The following POLQ variants were observed in gnomAD, a reference collection of about 807,000 sequenced individuals.
POLQ encodes epididymis secretory sperm binding protein.
A neutral mutation model predicts 259.2 loss-of-function variants in POLQ; 233 were observed. The ratio of observed to expected loss-of-function variants is 0.90; its 90% CI spans 0.81 to 1.00. The LOEUF is 1.00. Ranked by LOEUF, POLQ falls within the 50% of genes least tolerant of loss-of-function variation. The pLI, the probability that POLQ is intolerant of heterozygous loss-of-function variation, is 0.00. For missense variants in POLQ, 2,871 were observed against 3,051.6 expected, an observed-to-expected ratio of 0.94 and a Z score of 1.39; for synonymous variants, 1,025 against 1,048.8, an observed-to-expected ratio of 0.98 and a Z score of 0.44.
At chr3:121,479,362 A>AAG (rs140158750) in intron 19 of POLQ, among the ~76,000 whole-genome samples, 1 of 142,654 alleles carries the variant, frequency 7.0e-6, no homozygotes, top group Non-Finnish European at 1.5e-5. Flanking sequence ...AAAAAAAAAA[A>AAG]TGTGTGTGTG....
rs776797718 is a variant in POLQ at position 121,489,447 on chromosome 3, C to T, written c.3484G>A (p.Ala1162Thr). 3 of 1,614,058 alleles carry T rather than the reference C, an allele frequency of 1.9e-6. No individual in the cohort carries two copies. The highest frequency in any genetic ancestry group is 1.1e-5 in the South Asian group (1 of 91,054). ...SVVSEKGRGV[A>T]VEAEKINEVL... ...TCATTTATTTTTTCTGCCTCAACAGCTACTCCTCTGCCCTTTTCACTAACC... is the reference window on the plus strand; with the variant it reads ...TCATTTATTTTTTCTGCCTCAACAGTTACTCCTCTGCCCTTTTCACTAACC... Residue 1162 changes from alanine (A) to threonine (T), a missense_variant, in exon 16 of 30, where the codon GCT becomes ACT. Around this residue, in one of 3 missense-constraint regions of POLQ, gnomAD observed 2,080 missense variants for 2,126.0 expected, o/e 0.98. Coordinates refer to ENST00000264233, the MANE Select transcript of POLQ (RefSeq NM_199420.4).
chr3:121,451,505 C>T (rs950931215), intron 25 of POLQ, among the ~76,000 whole-genome samples: 43 of 152,356 alleles, frequency 2.8e-4, no homozygotes, highest in African/African-American at 9.6e-4. Flanking sequence ...TTCCTTCTAA[C>T]AGTCAGGACC....
chr3:121,448,299 C>G (rs547501588), intron 26 of POLQ, among the ~76,000 whole-genome samples: 1 of 152,044 alleles, frequency 6.6e-6, no homozygotes, highest in Non-Finnish European at 1.5e-5. Context: ...TTAAGAGACT[C>G]TGATACTCTT....
intron 4 of POLQ, among the ~76,000 whole-genome samples, chr3:121,537,628 G>T (rs1354866650): frequency 6.6e-6 from 1 of 152,106 alleles, no homozygotes; most frequent in Non-Finnish European, 1.5e-5. Context: ...CAAAGGACAT[G>T]ATTTCATTCT....
At chr3:121,533,503 T>C (rs1350550988) in intron 5 of POLQ, among the ~76,000 whole-genome samples, 1 of 152,202 alleles carries the variant, frequency 6.6e-6, no homozygotes, top group Non-Finnish European at 1.5e-5. Context: ...TTGGCAGTTA[T>C]AGACAGTACG....
chr3:121,540,316 A>G (rs575873148), intron 3 of POLQ, among the ~76,000 whole-genome samples: 2 of 152,184 alleles, frequency 1.3e-5, no homozygotes, highest in Non-Finnish European at 2.9e-5. Flanking sequence ...TTTTACAAAT[A>G]AAAAAACTGA....
intron 9 of POLQ, among the ~76,000 whole-genome samples, 188 bp downstream of exon 9, chr3:121,519,675 CAAAAAAAA>C (rs959037678): frequency 6.7e-5 from 4 of 59,816 alleles, no homozygotes; most frequent in African/African-American, 1.8e-4. Context: ...GACTCCGTCT[CAAAAAAAA>C]AAAAAAAAAA....
intron 27 of POLQ, among the ~76,000 whole-genome samples, chr3:121,438,311 T>G (rs955428361): frequency 6.6e-6 from 1 of 152,224 alleles, no homozygotes; most frequent in African/African-American, 2.4e-5. Context: ...TCTTGCATCT[T>G]CAGGTACAAT....
chr3:121,528,097 T>C (rs1205991549), intron 7 of POLQ, among the ~76,000 whole-genome samples: 5 of 152,194 alleles, frequency 3.3e-5, no homozygotes, highest in Non-Finnish European at 7.3e-5. Context: ...GTATGGTCTG[T>C]GTCTGTGTGC....
At chr3:121,451,975 C>T (rs932211922) in intron 25 of POLQ, among the ~76,000 whole-genome samples, 1 of 152,240 alleles carries the variant, frequency 6.6e-6, no homozygotes, top group Non-Finnish European at 1.5e-5. Flanking sequence ...CCTACTCAAG[C>T]CTCAGCACTG....
intron 8 of POLQ, 53 bp downstream of exon 8, chr3:121,521,950 G>T: frequency 1.7e-6 from 2 of 1,209,880 alleles, no homozygotes; most frequent in South Asian, 1.5e-5. Flanking sequence ...TAAAAGTTAA[G>T]ACAGTATGAG....
At chr3:121,498,387 G>T (rs900751150) in intron 13 of POLQ, 90 bp downstream of exon 13, 1 of 809,766 alleles carries the variant, frequency 1.2e-6, no homozygotes, top group Non-Finnish European at 1.9e-6. Flanking sequence ...TGATTTTATT[G>T]ACAATGAAAG....
At chr3:121,534,941 G>A (rs1397448089) in intron 5 of POLQ, among the ~76,000 whole-genome samples, 1 of 152,148 alleles carries the variant, frequency 6.6e-6, no homozygotes, top group African/African-American at 2.4e-5. Flanking sequence ...AATATGTTAA[G>A]ACTTGCTTTA....
intron 6 of POLQ, among the ~76,000 whole-genome samples, chr3:121,532,611 C>T (rs994014322): frequency 6.6e-6 from 1 of 151,532 alleles, no homozygotes; most frequent in Non-Finnish European, 1.5e-5. Flanking sequence ...AAGCAATTCT[C>T]CTGCCTCAGC....
intron 12 of POLQ, 114 bp downstream of exon 12, chr3:121,509,447 C>T (rs949564021): frequency 1.2e-6 from 1 of 826,826 alleles, no homozygotes; most frequent in Middle Eastern, 3.4e-4. Flanking sequence ...CCAGTACTAA[C>T]CTAGGCATGG....
intron 3 of POLQ, 142 bp downstream of exon 3, chr3:121,541,207 G>T: frequency 1.4e-6 from 1 of 712,044 alleles, no homozygotes; most frequent in Non-Finnish European, 2.3e-6. Context: ...TAATGCTTTT[G>T]GCAGTAGCCT....
At chr3:121,525,998 A>G (rs1296566570) in intron 7 of POLQ, among the ~76,000 whole-genome samples, 1 of 152,050 alleles carries the variant, frequency 6.6e-6, no homozygotes, top group Non-Finnish European at 1.5e-5. Flanking sequence ...AGACTTTCAC[A>G]AGGTTCTATC....
At position 121,440,086 on chromosome 3, in the gene POLQ, T is replaced by G; in HGVS notation, c.7295A>C (p.Lys2432Thr). ...GINQFMTETVKNCKRDGFVQT... is the reference protein window; with the variant it reads ...GINQFMTETVTNCKRDGFVQT... The stretch of plus-strand genomic sequence containing the variant: ...AACAAATCCGTCTCTTTTACAATTC[T>G]TCACTGTCTCTGTCATGAATTGATT... The change falls in exon 27 of 30, where the codon AAG (lysine) becomes ACG (threonine). Residue 2432 changes from lysine to threonine, a missense_variant. Lys to Thr is a moderately conservative substitution (Grantham distance 78). Around this residue, in one of 3 missense-constraint regions of POLQ, gnomAD observed 2,080 missense variants for 2,126.0 expected, o/e 0.98. Coordinates refer to ENST00000264233, the MANE Select transcript of POLQ (RefSeq NM_199420.4). The G allele has an allele frequency of 6.2e-7, 1 of 1,607,492 alleles. No individual in the cohort carries two copies. The highest frequency in any genetic ancestry group is 8.5e-7 in the Non-Finnish European group (1 of 1,174,126).
chr3:121,443,464 G>A (rs1178989232), intron 26 of POLQ, among the ~76,000 whole-genome samples: 3 of 145,494 alleles, frequency 2.1e-5, no homozygotes, highest in Non-Finnish European at 4.4e-5. Context: ...TTTTTCTGCA[G>A]AGTTATTTGA....
Sources: allele counts gnomAD v4.1 joint callset (sites outside exome capture counted in the v4.1 genomes callset), GRCh38; gene constraint gnomAD v4.1.1; regional missense constraint gnomAD v4.1.1; transcripts MANE v1.5; gene names NCBI Gene and HGNC (gene_info 2026-07-23, HGNC 2026-07-21).